Variants in RFX3 observed in about 807,000 individuals in gnomAD.
The protein encoded by RFX3 is regulatory factor X3.
In RFX3, 14 loss-of-function variants were observed where a neutral mutation model predicts 98.6. That is an observed-to-expected ratio of 0.14 (90% confidence interval 0.09 to 0.22). The LOEUF (loss-of-function observed/expected upper bound fraction) is 0.22. RFX3 is among the 10% of genes least tolerant of loss of function. The pLI, the probability that RFX3 is intolerant of heterozygous loss-of-function variation, is 1.00. For synonymous variants in RFX3, 383 were observed against 328.4 expected (o/e 1.17, Z -1.80); for missense variants, 639 against 926.9 (o/e 0.69, Z 4.03).
chr9:3,476,389 C>A (rs1849258802), intron 1 of RFX3, among the ~76,000 whole-genome samples: 3 of 152,036 alleles, frequency 2.0e-5, no homozygotes, highest in Admixed American at 1.3e-4. Context: ...AGAGGATCAT[C>A]AAATATAGGG....
At chr9:3,282,193 G>A (rs1409048625) in intron 7 of RFX3, among the ~76,000 whole-genome samples, 2 of 151,752 alleles carry the variant, frequency 1.3e-5, no homozygotes, top group Non-Finnish European at 3.0e-5. Context: ...AATGAACCAA[G>A]TGATATAAAC....
At chr9:3,425,787 C>T (rs1279792224) in intron 1 of RFX3, among the ~76,000 whole-genome samples, 1 of 152,110 alleles carries the variant, frequency 6.6e-6, no homozygotes, top group Non-Finnish European at 1.5e-5. Flanking sequence ...ATATACTAGA[C>T]CATGAGGTAT....
intron 1 of RFX3, among the ~76,000 whole-genome samples, chr9:3,424,431 G>T (rs1271908936): frequency 8.1e-6 from 1 of 123,888 alleles, no homozygotes; most frequent in South Asian, 2.8e-4. Context: ...GCGCGATCTC[G>T]ACTCACTGCA....
intron 1 of RFX3, among the ~76,000 whole-genome samples, chr9:3,504,879 T>A (rs181304462): frequency 0.072 from 3,791 of 52,846 alleles, 421 homozygotes; most frequent in East Asian, 0.5. Flanking sequence ...ATTATATATA[T>A]TATATATAAT....
At chr9:3,404,440 T>C (rs1841776145) in intron 1 of RFX3, among the ~76,000 whole-genome samples, 1 of 152,162 alleles carries the variant, frequency 6.6e-6, no homozygotes, top group Non-Finnish European at 1.5e-5. Flanking sequence ...TCATCTATAC[T>C]GAATTACAAA....
intron 1 of RFX3, among the ~76,000 whole-genome samples, chr9:3,424,424 C>G (rs868284141): frequency 3.5e-4 from 46 of 131,348 alleles, no homozygotes; most frequent in Middle Eastern, 5.6e-3. Flanking sequence ...TGCAGTGGCG[C>G]GATCTCGACT....
chr9:3,343,542 C>T (rs1834126364), intron 3 of RFX3, among the ~76,000 whole-genome samples: 1 of 152,104 alleles, frequency 6.6e-6, no homozygotes, highest in Non-Finnish European at 1.5e-5. Flanking sequence ...AATGTCAGCA[C>T]TACAAAATTA....
chr9:3,248,434 C>G (rs887363617), intron 14 of RFX3, among the ~76,000 whole-genome samples: 3 of 152,172 alleles, frequency 2.0e-5, no homozygotes, highest in African/African-American at 7.2e-5. Flanking sequence ...AGTCATTCTA[C>G]TATCATGGGC....
At chr9:3,459,599 A>G (rs1456838837) in intron 1 of RFX3, among the ~76,000 whole-genome samples, 3 of 152,190 alleles carry the variant, frequency 2.0e-5, no homozygotes, top group African/African-American at 4.8e-5. Context: ...TACATAATAC[A>G]TAACAATACT....
chr9:3,478,262 A>C (rs1347726570), intron 1 of RFX3, among the ~76,000 whole-genome samples: 1 of 152,048 alleles, frequency 6.6e-6, no homozygotes, highest in African/African-American at 2.4e-5. Flanking sequence ...AACAAATCTC[A>C]TATCAGATTG....
At chr9:3,270,600 T>C (rs1438537940) in intron 10 of RFX3, 75 bp from the exon 11 acceptor site, 1 of 1,422,194 alleles carries the variant, frequency 7.0e-7, no homozygotes, top group African/African-American at 1.4e-5. Context: ...AAAAATAGTT[T>C]AAGTTTACCA....
At chr9:3,245,490 C>T (rs960085993) in intron 15 of RFX3, among the ~76,000 whole-genome samples, 3 of 152,114 alleles carry the variant, frequency 2.0e-5, no homozygotes, top group Admixed American at 6.6e-5. Context: ...GGGGATGACA[C>T]AGTCAGCTTT....
At chr9:3,387,862 G>C (rs564136606) in intron 2 of RFX3, among the ~76,000 whole-genome samples, 7 of 152,144 alleles carry the variant, frequency 4.6e-5, no homozygotes, top group African/African-American at 1.7e-4. Flanking sequence ...TCAATGCTAG[G>C]ATTCACAGAA....
intron 7 of RFX3, among the ~76,000 whole-genome samples, chr9:3,277,817 A>G (rs1825434891): frequency 6.6e-6 from 1 of 151,960 alleles, no homozygotes; most frequent in Non-Finnish European, 1.5e-5. Flanking sequence ...GATATATTGG[A>G]ACTTTAATCT....
At chr9:3,377,172 T>C (rs910749488) in intron 2 of RFX3, among the ~76,000 whole-genome samples, 1 of 152,092 alleles carries the variant, frequency 6.6e-6, no homozygotes, top group Non-Finnish European at 1.5e-5. Flanking sequence ...CTATTCACAA[T>C]AGCAAAGAGT....
chr9:3,443,588 C>A (rs1845787456), intron 1 of RFX3, among the ~76,000 whole-genome samples: 1 of 152,144 alleles, frequency 6.6e-6, no homozygotes, highest in African/African-American at 2.4e-5. Context: ...ACCACATTTT[C>A]TTTATCCAGT....
At position 3,330,290 on chromosome 9, in the gene RFX3, A is replaced by C. The variant is rs746473700; in HGVS notation, c.443T>G (p.Val148Gly). 9 of 1,613,996 alleles carry C rather than the reference A, an allele frequency of 5.6e-6. No individual in the cohort carries two copies. The highest frequency in any genetic ancestry group is 1.7e-5 in the Admixed American group (1 of 59,982). ...GNSMENSGHSVTHTTRASPAT... is the reference protein window; with the variant it reads ...GNSMENSGHSGTHTTRASPAT... ...TGGGGAGGCCCGAGTTGTGTGTGTC[A>C]CTGAGTGACCAGAATTCTCCATTGA... The change falls in exon 4 of 17, where the codon GTG (valine) becomes GGG (glycine). Residue 148 changes from valine to glycine, a missense_variant. This residue lies in a region of RFX3 where 210 missense variants were observed against 197.7 expected (regional missense o/e 1.06). Coordinates refer to ENST00000617270, the MANE Select transcript of RFX3 (RefSeq NM_001282116.2).
chr9:3,415,048 T>G (rs1564070299), intron 1 of RFX3, among the ~76,000 whole-genome samples: 1 of 125,296 alleles, frequency 8.0e-6, no homozygotes, highest in Non-Finnish European at 1.6e-5. Flanking sequence ...ATATATATAC[T>G]TATATATATA....
intron 3 of RFX3, among the ~76,000 whole-genome samples, chr9:3,345,539 G>A (rs1834359810): frequency 6.6e-6 from 1 of 152,064 alleles, no homozygotes; most frequent in Non-Finnish European, 1.5e-5. Flanking sequence ...ATCTATTATT[G>A]TACCAGGCTC....
Sources: gnomAD v4.1 joint callset for allele counts (sites outside exome capture counted in the v4.1 genomes callset) on GRCh38, gnomAD v4.1.1 for gene constraint, gnomAD v4.1.1 regional missense constraint, MANE v1.5 for transcripts, NCBI Gene and HGNC (gene_info 2026-07-23, HGNC 2026-07-21) for gene names.